Variants in GLI2 observed in about 807,000 individuals in gnomAD.
GLI2 encodes the protein GLI family zinc finger 2.
In GLI2, 22 loss-of-function variants were observed where a neutral mutation model predicts 78.9. The ratio of observed to expected loss-of-function variants is 0.28; its 90% CI spans 0.20 to 0.40. The LOEUF (loss-of-function observed/expected upper bound fraction) is 0.40. GLI2 is among the 10% of genes least tolerant of loss of function. The probability of loss-of-function intolerance (pLI) is 1.00; values close to 1 mark genes in which losing one functional copy is unlikely to be tolerated. For missense variants in GLI2, 2,097 were observed against 2,213.2 expected, an observed-to-expected ratio of 0.95 and a Z score of 1.05; for synonymous variants, 974 against 963.7, an observed-to-expected ratio of 1.01 and a Z score of -0.20.
chr2:120,797,850 G>A (rs1009523679), intron 2 of GLI2, among the ~76,000 whole-genome samples: 1 of 152,198 alleles, frequency 6.6e-6, no homozygotes, highest in African/African-American at 2.4e-5. Flanking sequence ...GCCAAGGACT[G>A]TTTTGGAAAG....
At chr2:120,777,716 G>A (rs935548345) in intron 1 of GLI2, among the ~76,000 whole-genome samples, 15 of 149,784 alleles carry the variant, frequency 1.0e-4, no homozygotes, top group African/African-American at 3.0e-4. Context: ...GGGGTGCAGA[G>A]CCTAGTGTGG....
intron 4 of GLI2, among the ~76,000 whole-genome samples, chr2:120,952,975 G>C (rs1325982386): frequency 6.6e-6 from 1 of 152,260 alleles, no homozygotes; most frequent in African/African-American, 2.4e-5. Context: ...ACAGTGACCA[G>C]GCTGGCGTTC....
At chr2:120,825,353 CT>C (rs771752855) in intron 2 of GLI2, among the ~76,000 whole-genome samples, 1 of 152,120 alleles carries the variant, frequency 6.6e-6, no homozygotes, top group Non-Finnish European at 1.5e-5. Context: ...TGAGTGTGTG[CT>C]TGGCTGTGAG....
chr2:120,971,600 C>G lies in GLI2; in HGVS notation c.1060-341C>G, dbSNP rs2243854. ...TGGCCAGGCCCTGTTCTCAGACCCA[C>G]AGTGTCCCCTGCTCTGGAGGGCTGA... On this transcript the variant is annotated intron_variant, in intron 7 of 13. Coordinates refer to ENST00000361492, the MANE Select transcript of GLI2 (RefSeq NM_001374353.1). Among the ~76,000 whole-genome samples the G allele has an allele frequency of 0.89, 134,845 of 152,130 alleles. 61,486 individuals are homozygous for G. The highest frequency in any genetic ancestry group is 1 in the East Asian group (5,144 of 5,146).
intron 3 of GLI2, among the ~76,000 whole-genome samples, chr2:120,936,914 T>C (rs1680225859): frequency 6.6e-6 from 1 of 152,220 alleles, no homozygotes; most frequent in African/African-American, 2.4e-5. Flanking sequence ...GCCCTGCCCC[T>C]GAGGCACTGC....
At chr2:120,888,083 C>CT (rs1558859406) in intron 2 of GLI2, among the ~76,000 whole-genome samples, 1 of 152,214 alleles carries the variant, frequency 6.6e-6, no homozygotes, top group Non-Finnish European at 1.5e-5. Flanking sequence ...CTGAGCCTTG[C>CT]GTGGGACCTG....
intron 3 of GLI2, among the ~76,000 whole-genome samples, chr2:120,942,404 C>G (rs1240251130): frequency 6.6e-6 from 1 of 152,220 alleles, no homozygotes; most frequent in African/African-American, 2.4e-5. Flanking sequence ...CCTGTAGTCT[C>G]TGTCTCCCTG....
intron 2 of GLI2, among the ~76,000 whole-genome samples, chr2:120,814,584 C>T (rs758573131): frequency 2.0e-5 from 3 of 152,114 alleles, no homozygotes; most frequent in Non-Finnish European, 4.4e-5. Flanking sequence ...GGCCGCATAG[C>T]GGGAGGTGAG....
At chr2:120,889,960 A>G (rs997675710) in intron 2 of GLI2, among the ~76,000 whole-genome samples, 1 of 152,192 alleles carries the variant, frequency 6.6e-6, no homozygotes. Context: ...ACCCTTGGGC[A>G]TTTATTCCAG....
chr2:120,860,915 C>T (rs1471534646), intron 2 of GLI2, among the ~76,000 whole-genome samples: 1 of 152,114 alleles, frequency 6.6e-6, no homozygotes, highest in African/African-American at 2.4e-5. Flanking sequence ...GTACCTGGCC[C>T]AAGGATTGTT....
intron 2 of GLI2, among the ~76,000 whole-genome samples, chr2:120,913,204 G>A (rs1186912747): frequency 6.6e-6 from 1 of 152,192 alleles, no homozygotes; most frequent in Non-Finnish European, 1.5e-5. Flanking sequence ...AGTCAATAAT[G>A]ATAACGAGTT....
chr2:120,942,896 T>G lies in GLI2; in HGVS notation c.255-8347T>G, dbSNP rs916902444. ...TTCATTCATTCATTCATTCACTCAT[T>G]CGTTCACACCCTCACTCACTCATTC... On this transcript the variant is annotated intron_variant, in intron 3 of 13. Transcript: ENST00000361492. Among the ~76,000 whole-genome samples the G allele has an allele frequency of 2.0e-5, 3 of 150,930 alleles. No individual in the cohort carries two copies. The South Asian group carries it at 6.3e-4, about 32-fold the overall frequency.
Position 120,990,308 on chromosome 2 carries a change from G to A in GLI2, c.4343G>A (p.Ser1448Asn), listed in dbSNP as rs150348343. The change falls in exon 14 of 14, where the codon AGC (serine) becomes AAC (asparagine). Residue 1448 changes from serine (S) to asparagine (N), a missense_variant. Coordinates refer to ENST00000361492, the MANE Select transcript of GLI2 (RefSeq NM_001374353.1). The stretch of plus-strand genomic sequence containing the variant: ...GATGGAGGCCTGGAGAACCTCGGGA[G>A]CTGCCAGGTCATGCGGTCCCAGCCA... ...EQDGGLENLG[S>N]CQVMRSQPPQ... 2.9e-4 allele frequency: 474 copies of A among 1,613,768 alleles called. 1 individual carries two copies. Among genetic ancestry groups the A allele is most frequent in the Non-Finnish European group, 3.8e-4 (450 of 1,180,032 alleles).
intron 2 of GLI2, among the ~76,000 whole-genome samples, chr2:120,858,878 G>A (rs1326365397): frequency 6.6e-6 from 1 of 152,194 alleles, no homozygotes; most frequent in Non-Finnish European, 1.5e-5. Context: ...GTTTCTTAAT[G>A]TAGGGCAGAC....
chr2:120,783,128 A>G (rs916763699), intron 1 of GLI2, among the ~76,000 whole-genome samples: 10 of 152,184 alleles, frequency 6.6e-5, no homozygotes, highest in African/African-American at 2.4e-4. Flanking sequence ...TGGGGCACAC[A>G]GCTTTACAAT....
rs546947063 is a variant in GLI2 at position 120,989,032 on chromosome 2, G to A, written c.3067G>A (p.Val1023Met). 11 of 1,604,938 alleles carry A rather than the reference G, an allele frequency of 6.9e-6. No homozygotes were observed. The highest frequency in any genetic ancestry group is 9.3e-6 in the Non-Finnish European group (11 of 1,178,576). The change falls in exon 14 of 14, where the codon GTG becomes ATG. Residue 1023 changes from valine to methionine, a missense_variant. Transcript: ENST00000361492. ...CAGCGAGAACGTGGCGATGGAGGCCGTGGCGGCAGGAGTGGACGGCGCGGG... is the reference window on the plus strand; with the variant it reads ...CAGCGAGAACGTGGCGATGGAGGCCATGGCGGCAGGAGTGGACGGCGCGGG... ...SISENVAMEA[V>M]AAGVDGAGPE... is the part of the protein sequence containing the mutation.
intron 1 of GLI2, among the ~76,000 whole-genome samples, chr2:120,767,513 C>T (rs902258457): frequency 5.9e-5 from 9 of 152,324 alleles, no homozygotes; most frequent in African/African-American, 1.9e-4. Context: ...GAAATTAAGT[C>T]GCATCTCCAT....
chr2:120,970,362 C>T lies in GLI2; in HGVS notation c.846-31C>T, dbSNP rs1328746990. ...GCCTAAGAGAGCTCCCGATCCCCCACCCCCACTTCCTTGTCTGCTCTCTGT... is the reference window on the plus strand; with the variant it reads ...GCCTAAGAGAGCTCCCGATCCCCCATCCCCACTTCCTTGTCTGCTCTCTGT... On this transcript the variant is annotated intron_variant, in intron 6 of 13. Transcript: ENST00000361492. 16 of 1,226,722 alleles carry T rather than the reference C, an allele frequency of 1.3e-5. No homozygotes were observed. In the East Asian group the frequency reaches 3.7e-4, roughly 28 times the overall value. The allele number at this position is 1,226,722 out of a possible 1,614,324, so 76.0% of individuals were successfully genotyped here.
chr2:120,827,471 C>T (rs1686135317), intron 2 of GLI2, among the ~76,000 whole-genome samples: 1 of 152,188 alleles, frequency 6.6e-6, no homozygotes, highest in African/African-American at 2.4e-5. Flanking sequence ...CTTTGGAAGA[C>T]AGTATGGGAG....
Sources: gnomAD v4.1 joint callset for allele counts (sites outside exome capture counted in the v4.1 genomes callset) on GRCh38, gnomAD v4.1.1 for gene constraint, MANE v1.5 for transcripts, NCBI Gene and HGNC (gene_info 2026-07-23, HGNC 2026-07-21) for gene names.